Variants in SLC2A9 observed in about 807,000 individuals in gnomAD.
The protein encoded by SLC2A9 is solute carrier family 2 member 9, also known as solute carrier family 2, facilitated glucose transporter member 9.
In SLC2A9, 39 loss-of-function variants were observed where a neutral mutation model predicts 50.6. That is an observed-to-expected ratio of 0.77 (90% CI 0.60 to 1.01). The LOEUF (loss-of-function observed/expected upper bound fraction) is 1.01. Among genes scored for constraint, SLC2A9 ranks in the 50% least tolerant of loss-of-function variants. SLC2A9 has a pLI of 0.00. For synonymous variants in SLC2A9, 324 were observed against 276.9 expected, an observed-to-expected ratio of 1.17 and a Z score of -1.69; for missense variants, 686 against 677.6, an observed-to-expected ratio of 1.01 and a Z score of -0.14.
At chr4:9,945,214 C>T (rs1314135197) in intron 5 of SLC2A9, among the ~76,000 whole-genome samples, 1 of 152,242 alleles carries the variant, frequency 6.6e-6, no homozygotes, top group Non-Finnish European at 1.5e-5. Context: ...TTGAATTCTG[C>T]CTCTACCCCC....
At chr4:9,936,316 G>A (rs374720746) in intron 6 of SLC2A9, among the ~76,000 whole-genome samples, 18 of 152,148 alleles carry the variant, frequency 1.2e-4, no homozygotes, top group Admixed American at 3.9e-4. Context: ...AGCATTCACA[G>A]GCAAGAAAAC....
At chr4:9,961,099 AG>A (rs1402801701) in intron 5 of SLC2A9, among the ~76,000 whole-genome samples, 4 of 152,226 alleles carry the variant, frequency 2.6e-5, no homozygotes, top group African/African-American at 9.6e-5. Flanking sequence ...AACTTGTTCA[AG>A]TCATACAGCT....
At chr4:9,851,699 A>C (rs563068816) in intron 10 of SLC2A9, among the ~76,000 whole-genome samples, 1 of 149,468 alleles carries the variant, frequency 6.7e-6, no homozygotes, top group Non-Finnish European at 1.5e-5. Context: ...AGGAGGTGAA[A>C]GACGAAATGG....
At chr4:9,942,262 C>T (rs758938242) in intron 5 of SLC2A9, among the ~76,000 whole-genome samples, 10 of 152,200 alleles carry the variant, frequency 6.6e-5, no homozygotes, top group Non-Finnish European at 1.5e-4. Context: ...TCAAGAGTCC[C>T]CTGTGAGATA....
intron 11 of SLC2A9, 43 bp from the exon 12 acceptor site, chr4:9,826,643 T>TA: frequency 6.4e-7 from 1 of 1,573,456 alleles, no homozygotes; most frequent in Non-Finnish European, 8.7e-7. Context: ...AGATAATCAG[T>TA]AAACTTGCTG....
intron 7 of SLC2A9, among the ~76,000 whole-genome samples, chr4:9,909,901 G>A (rs759162846): frequency 1.3e-5 from 2 of 152,216 alleles, no homozygotes; most frequent in Admixed American, 6.5e-5. Flanking sequence ...CAGGTCCAAC[G>A]TTAGCTGGCC....
chr4:9,842,547 A>G (rs1728246867), intron 10 of SLC2A9, among the ~76,000 whole-genome samples: 2 of 152,180 alleles, frequency 1.3e-5, no homozygotes, highest in Non-Finnish European at 2.9e-5. Context: ...TTGCCCAGTT[A>G]CTAGTCCTGC....
At chr4:9,923,879 A>G in intron 6 of SLC2A9, 1 of 152,150 alleles carries the variant, frequency 6.6e-6, no homozygotes, top group Non-Finnish European at 1.5e-5. Flanking sequence ...TGTTCTTTTG[A>G]CCTTTCTGCA....
intron 6 of SLC2A9, among the ~76,000 whole-genome samples, chr4:9,933,960 G>A (rs73096634): frequency 0.023 from 3,480 of 152,220 alleles, 47 homozygotes; most frequent in Middle Eastern, 0.054. Flanking sequence ...AAGAACCCTT[G>A]TGATTGCATT....
chr4:9,815,012 A>T (rs1723381845), intron 3 of SLC2A9, among the ~76,000 whole-genome samples: 2 of 152,172 alleles, frequency 1.3e-5, no homozygotes, highest in African/African-American at 2.4e-5. Flanking sequence ...TGGTGTAGTG[A>T]TAGGAACACT....
At chr4:9,887,726 C>A (rs926895470) in intron 9 of SLC2A9, 84 bp from the exon 10 acceptor site, 1 of 1,165,016 alleles carries the variant, frequency 8.6e-7, no homozygotes, top group African/African-American at 1.6e-5. Context: ...CCTCCTCCAT[C>A]CATCTGTGTG....
At chr4:9,940,595 T>C (rs1747940232) in intron 6 of SLC2A9, among the ~76,000 whole-genome samples, 1 of 152,200 alleles carries the variant, frequency 6.6e-6, no homozygotes, top group African/African-American at 2.4e-5. Context: ...TAAATCTCTA[T>C]AAACCAAAAC....
chr4:9,906,889 T>C (rs1036996968), intron 8 of SLC2A9, among the ~76,000 whole-genome samples: 4 of 152,256 alleles, frequency 2.6e-5, no homozygotes, highest in African/African-American at 9.6e-5. Flanking sequence ...AAATGTTTTC[T>C]TCTAATAAAA....
chr4:9,775,397 G>A (rs2108824774), downstream of SLC2A9, among the ~76,000 whole-genome samples: 1 of 152,298 alleles, frequency 6.6e-6, no homozygotes, highest in East Asian at 1.9e-4. Flanking sequence ...CAGCCCAGAA[G>A]CAGCAAGAAA....
chr4:9,901,557 C>G (rs1312987258), intron 8 of SLC2A9, among the ~76,000 whole-genome samples: 1 of 152,146 alleles, frequency 6.6e-6, no homozygotes, highest in Non-Finnish European at 1.5e-5. Flanking sequence ...TTTTAACACC[C>G]CTGTCCACTA....
intron 3 of SLC2A9, chr4:9,783,448 G>A (rs1281091617): frequency 4.4e-6 from 7 of 1,608,152 alleles, no homozygotes; most frequent in Non-Finnish European, 6.0e-6. Flanking sequence ...CTTTCACCCC[G>A]AATGGATTCC....
chr4:9,782,122 G>C (rs984757325), intron 3 of SLC2A9: 3 of 1,548,408 alleles, frequency 1.9e-6, no homozygotes, highest in Non-Finnish European at 2.6e-6. Flanking sequence ...GGGGCTCGGC[G>C]GGGGCACCGC....
intron 7 of SLC2A9, among the ~76,000 whole-genome samples, chr4:9,918,073 A>G (rs1228287338): frequency 6.6e-6 from 1 of 152,126 alleles, no homozygotes; most frequent in Admixed American, 6.5e-5. Context: ...TCCTTCATCT[A>G]GAAAATGGGG....
At chr4:10,039,405 T>C (rs905711121) in intron 1 of SLC2A9, among the ~76,000 whole-genome samples, 1 of 152,244 alleles carries the variant, frequency 6.6e-6, no homozygotes, top group African/African-American at 2.4e-5. Context: ...CTGGAAGGTA[T>C]GCAAAAGCCA....
Sources: gnomAD v4.1 joint callset for allele counts (sites outside exome capture counted in the v4.1 genomes callset) on GRCh38, gnomAD v4.1.1 for gene constraint, MANE v1.5 for transcripts, NCBI Gene and HGNC (gene_info 2026-07-23, HGNC 2026-07-21) for gene names.